ZNF804B: variants seen among roughly 807,000 people sequenced by gnomAD.
The protein encoded by ZNF804B is zinc finger 804B.
In ZNF804B, 80 loss-of-function variants were observed where a neutral mutation model predicts 101.4. The observed-to-expected ratio is 0.79, with a 90% CI of 0.66 to 0.95. The LOEUF (loss-of-function observed/expected upper bound fraction) is 0.95. Ranked by LOEUF, ZNF804B falls within the 40% of genes least tolerant of loss-of-function variation. ZNF804B has a pLI of 0.00. For missense variants in ZNF804B, 1,673 were observed against 1,561.9 expected (o/e 1.07, Z -1.20); for synonymous variants, 622 against 558.8 (o/e 1.11, Z -1.59).
In ZNF804B at chr7:88,993,226, G is replaced by T. The variant is rs374676225; in HGVS notation, c.109-224929G>T. On this transcript the variant is annotated intron_variant, in intron 1 of 3. Coordinates refer to ENST00000333190, the MANE Select transcript of ZNF804B (RefSeq NM_181646.5). Reference sequence around the variant, plus strand: ...TATTGTTATATCCATTAGGAAGAAGGTATGAAAGAAATAACACTATATTTT... The same window carrying T: ...TATTGTTATATCCATTAGGAAGAAGTTATGAAAGAAATAACACTATATTTT... Among the ~76,000 whole-genome samples the T allele has an allele frequency of 5.3e-5, 8 of 152,034 alleles. No individual in the cohort carries two copies. In the East Asian group the frequency reaches 9.7e-4, roughly 18 times the overall value.
At chr7:88,954,925 C>T (rs951704723) in intron 1 of ZNF804B, among the ~76,000 whole-genome samples, 23 of 151,134 alleles carry the variant, frequency 1.5e-4, no homozygotes, top group African/African-American at 4.9e-4. Context: ...TTAAGTATAG[C>T]GAGGGAAGAT....
intron 2 of ZNF804B, among the ~76,000 whole-genome samples, chr7:89,220,724 CT>C (rs1788992639): frequency 6.6e-6 from 1 of 151,908 alleles, no homozygotes; most frequent in South Asian, 2.1e-4. Flanking sequence ...CCTTAGTGGT[CT>C]TATAAATGAT....
intron 1 of ZNF804B, among the ~76,000 whole-genome samples, chr7:88,917,526 GCTTA>G (rs1215117145): frequency 1.3e-5 from 2 of 152,120 alleles, no homozygotes; most frequent in Non-Finnish European, 2.9e-5. Flanking sequence ...TGATTCAACA[GCTTA>G]CTCTTTTAAG....
intron 2 of ZNF804B, among the ~76,000 whole-genome samples, chr7:89,234,728 C>T (rs1010174177): frequency 6.6e-6 from 1 of 152,202 alleles, no homozygotes; most frequent in Non-Finnish European, 1.5e-5. Context: ...TTTCCTTGGA[C>T]ATCAGACTCC....
At chr7:89,242,354 CT>C (rs1294929629) in intron 2 of ZNF804B, among the ~76,000 whole-genome samples, 1 of 151,790 alleles carries the variant, frequency 6.6e-6, no homozygotes, top group African/African-American at 2.4e-5. Flanking sequence ...TTTTACCTTG[CT>C]TTTTTCCCCT....
rs1253122499 is a variant in ZNF804B at position 88,791,266 on chromosome 7, C to T, written c.108+31182C>T. ...TTCAGCAATGGTGTTGCTACCTGGA[C>T]AAATATAAATCTTCCTGAAGTGACT... On this transcript the variant is annotated intron_variant, in intron 1 of 3. Transcript: ENST00000333190. 5.9e-5 allele frequency among the ~76,000 whole-genome samples: 9 copies of T among 152,126 alleles called. 1 individual carries two copies. In the East Asian group the frequency reaches 1.7e-3, roughly 29 times the overall value.
At chr7:89,171,288 G>GCTGCTGCTGCTGCTGCTTCTTCTTCTT (rs1215246589) in intron 1 of ZNF804B, among the ~76,000 whole-genome samples, 17 of 82,480 alleles carry the variant, frequency 2.1e-4, no homozygotes, top group Non-Finnish European at 4.1e-4. Flanking sequence ...TGCTGCTGCT[G>GCTGCTGCTGCTGCTGCTTCTTCTTCTT]CTTCTTCTTC....
At chr7:89,320,791 A>T (rs1790806207) in intron 2 of ZNF804B, among the ~76,000 whole-genome samples, 1 of 152,150 alleles carries the variant, frequency 6.6e-6, no homozygotes, top group South Asian at 2.1e-4. Flanking sequence ...GAAACTTTAC[A>T]TACAAGAAAG....
chr7:89,207,319 A>G (rs1378264053), intron 1 of ZNF804B, among the ~76,000 whole-genome samples: 1 of 152,230 alleles, frequency 6.6e-6, no homozygotes, highest in Non-Finnish European at 1.5e-5. Context: ...GGGAGGCCTC[A>G]CAATCATGAC....
chr7:88,888,867 G>A (rs1177017959), intron 1 of ZNF804B, among the ~76,000 whole-genome samples: 1 of 152,048 alleles, frequency 6.6e-6, no homozygotes, highest in Non-Finnish European at 1.5e-5. Context: ...TAAAGCTGAG[G>A]TTTGGGTTAC....
intron 1 of ZNF804B, among the ~76,000 whole-genome samples, chr7:88,799,073 T>C (rs1050225825): frequency 1.3e-5 from 2 of 152,108 alleles, no homozygotes; most frequent in Non-Finnish European, 1.5e-5. Flanking sequence ...ACTTATCTGA[T>C]GTTAATACAT....
chr7:88,846,174 T>G (rs1038910092), intron 1 of ZNF804B, among the ~76,000 whole-genome samples: 1 of 152,236 alleles, frequency 6.6e-6, no homozygotes, highest in Non-Finnish European at 1.5e-5. Context: ...AAATCTGTTA[T>G]TGTTTTAAAT....
intron 1 of ZNF804B, among the ~76,000 whole-genome samples, chr7:88,863,504 A>G (rs1262997826): frequency 6.6e-6 from 1 of 152,244 alleles, no homozygotes; most frequent in African/African-American, 2.4e-5. Flanking sequence ...CTGGAGTTAC[A>G]AAAGACAAAG....
chr7:89,199,734 A>G (rs917279642), intron 1 of ZNF804B, among the ~76,000 whole-genome samples: 15 of 151,732 alleles, frequency 9.9e-5, no homozygotes, highest in Admixed American at 7.3e-4. Context: ...GTTCCTAGAT[A>G]TTATTCCTAC....
intron 1 of ZNF804B, among the ~76,000 whole-genome samples, chr7:88,937,142 G>T (rs1350549087): frequency 1.5e-5 from 2 of 137,384 alleles, no homozygotes; most frequent in Non-Finnish European, 3.1e-5. Flanking sequence ...AAGTATTATT[G>T]CTCTCCACAT....
chr7:89,155,753 T>C (rs558410069), intron 1 of ZNF804B, among the ~76,000 whole-genome samples: 78 of 152,302 alleles, frequency 5.1e-4, no homozygotes, highest in African/African-American at 1.8e-3. Flanking sequence ...CTTTATATCA[T>C]TGCCCATTCT....
At chr7:89,134,842 C>T (rs751981051) in intron 1 of ZNF804B, among the ~76,000 whole-genome samples, 6 of 151,460 alleles carry the variant, frequency 4.0e-5, no homozygotes, top group Non-Finnish European at 8.8e-5. Flanking sequence ...AACCGTCTTT[C>T]AAAGAGAAAA....
intron 1 of ZNF804B, among the ~76,000 whole-genome samples, chr7:89,102,632 TTGTC>T (rs1268903060): frequency 6.6e-6 from 1 of 152,036 alleles, no homozygotes; most frequent in Non-Finnish European, 1.5e-5. Flanking sequence ...ATTCTGTAGG[TTGTC>T]TGTTTATTCT....
intron 1 of ZNF804B, among the ~76,000 whole-genome samples, chr7:89,072,178 C>T (rs1562876678): frequency 6.6e-6 from 1 of 152,130 alleles, no homozygotes; most frequent in Non-Finnish European, 1.5e-5. Context: ...AATGAGATCA[C>T]TTGGCAAAGG....
Sources: gnomAD v4.1 joint callset for allele counts (sites outside exome capture counted in the v4.1 genomes callset) on GRCh38, gnomAD v4.1.1 for gene constraint, MANE v1.5 for transcripts, NCBI Gene and HGNC (gene_info 2026-07-23, HGNC 2026-07-21) for gene names.